The following ACOT11 variants were observed in gnomAD, a reference collection of about 807,000 sequenced individuals.
ACOT11 encodes acyl-CoA thioesterase 11.
ACOT11 carries 69 observed loss-of-function variants against 77.5 expected under a neutral mutation model. The ratio of observed to expected loss-of-function variants is 0.89; its 90% confidence interval spans 0.73 to 1.09. The LOEUF is 1.09. ACOT11 is among the 50% of genes least tolerant of loss of function. ACOT11 has a pLI of 0.00. For synonymous variants in ACOT11, 279 were observed against 313.0 expected, an observed-to-expected ratio of 0.89 and a Z score of 1.15; for missense variants, 766 against 813.7, an observed-to-expected ratio of 0.94 and a Z score of 0.71.
intron 6 of ACOT11, 45 bp from the exon 7 acceptor site, chr1:54,597,214 T>C: frequency 1.2e-6 from 2 of 1,603,202 alleles, no homozygotes; most frequent in East Asian, 2.2e-5. Context: ...CCCTTGGGAA[T>C]GTTCTCACCT....
intron 1 of ACOT11, among the ~76,000 whole-genome samples, chr1:54,552,844 T>G (rs1569630117): frequency 7.9e-6 from 1 of 127,114 alleles, no homozygotes; most frequent in Non-Finnish European, 1.7e-5. Flanking sequence ...TTTTTTTTTT[T>G]GAGACGGAGT....
Position 54,604,603 on chromosome 1 carries a change from G to A in ACOT11, c.1236+174G>A, listed in dbSNP as rs543001268. 1.7e-4 allele frequency among the ~76,000 whole-genome samples: 26 copies of A among 152,234 alleles called. No individual in the cohort carries two copies. In the South Asian group the frequency reaches 2.9e-3, roughly 17 times the overall value. On this transcript the variant is annotated intron_variant, in intron 12 of 15. Transcript: ENST00000343744. Reference sequence around the variant, plus strand: ...AACGTACCCACCCCTGCAGGGCCTGGAGTCGAGAACCCCTAGATTCTTCTC... The same window carrying A: ...AACGTACCCACCCCTGCAGGGCCTGAAGTCGAGAACCCCTAGATTCTTCTC...
intron 1 of ACOT11, among the ~76,000 whole-genome samples, chr1:54,583,828 C>T (rs1254808169): frequency 6.6e-6 from 1 of 152,180 alleles, no homozygotes. Context: ...CCTGTCCCTC[C>T]TCATTTTTCT....
At chr1:54,573,381 T>A in intron 1 of ACOT11, 2 of 278,308 alleles carry the variant, frequency 7.2e-6, no homozygotes, top group Non-Finnish European at 1.1e-5. Flanking sequence ...AAAATGGGAA[T>A]AATAACAACA....
intron 3 of ACOT11, among the ~76,000 whole-genome samples, chr1:54,589,804 T>G (rs1209229634): frequency 6.6e-6 from 1 of 152,126 alleles, no homozygotes; most frequent in Non-Finnish European, 1.5e-5. Context: ...ATTTTGTTAT[T>G]CAAGTCAGGA....
At chr1:54,553,713 C>A (rs1653153148) in intron 1 of ACOT11, among the ~76,000 whole-genome samples, 1 of 152,034 alleles carries the variant, frequency 6.6e-6, no homozygotes, top group Non-Finnish European at 1.5e-5. Context: ...TTTATTCCTC[C>A]TAAGTGTAAT....
chr1:54,623,561 G>C, intron 15 of ACOT11: 1 of 626,602 alleles, frequency 1.6e-6, no homozygotes. Context: ...GATAACCCCT[G>C]AAGCCCCTCC....
intron 2 of ACOT11, among the ~76,000 whole-genome samples, 156 bp from the exon 3 acceptor site, chr1:54,585,679 A>G (rs1016129753): frequency 6.6e-6 from 1 of 152,142 alleles, no homozygotes; most frequent in African/African-American, 2.4e-5. Flanking sequence ...GGTGGTGCCC[A>G]CGGTGAGGGG....
chr1:54,568,358 C>CTTT (rs71045196), intron 1 of ACOT11, among the ~76,000 whole-genome samples: 46 of 80,560 alleles, frequency 5.7e-4, no homozygotes, highest in East Asian at 1.6e-3. Context: ...TTCCCAGCAC[C>CTTT]TTTTTTTTTT....
intron 8 of ACOT11, 112 bp from the exon 9 acceptor site, chr1:54,601,139 ACGTGTGTGTGTGTGCATG>A: frequency 5.5e-6 from 5 of 913,772 alleles, no homozygotes; most frequent in African/African-American, 2.1e-5. Context: ...GTGTGTGCAT[ACGTGTGTGTGTGTGCATG>A]CATGTGTGTG....
chr1:54,558,672 T>C (rs574870331), intron 1 of ACOT11, among the ~76,000 whole-genome samples: 1 of 152,252 alleles, frequency 6.6e-6, no homozygotes, highest in South Asian at 2.1e-4. Flanking sequence ...TCTGAGCAGC[T>C]GAATAGGGGC....
At chr1:54,606,125 G>A (rs961301162) in intron 13 of ACOT11, among the ~76,000 whole-genome samples, 6 of 152,184 alleles carry the variant, frequency 3.9e-5, no homozygotes, top group African/African-American at 1.4e-4. Context: ...TTTGCAAAAA[G>A]GGCCATGTTG....
At chr1:54,587,893 T>A (rs1654562868) in intron 3 of ACOT11, among the ~76,000 whole-genome samples, 1 of 151,990 alleles carries the variant, frequency 6.6e-6, no homozygotes, top group African/African-American at 2.4e-5. Flanking sequence ...TAGAATAGTT[T>A]TAAATTTATA....
At chr1:54,561,668 A>G (rs1653492402) in intron 1 of ACOT11, among the ~76,000 whole-genome samples, 1 of 135,388 alleles carries the variant, frequency 7.4e-6, no homozygotes, top group Non-Finnish European at 1.6e-5. Context: ...CTCACTTCCC[A>G]GTAGGGGCGG....
chr1:54,558,819 G>A (rs1362481592), intron 1 of ACOT11, among the ~76,000 whole-genome samples: 1 of 152,156 alleles, frequency 6.6e-6, no homozygotes. Context: ...TTGGGCTTTC[G>A]AGCGCTGTGG....
chr1:54,569,098 G>A (rs1012423911), intron 1 of ACOT11, among the ~76,000 whole-genome samples: 2 of 149,676 alleles, frequency 1.3e-5, no homozygotes, highest in African/African-American at 4.9e-5. Flanking sequence ...GCAATAGACA[G>A]AGCAAGACTC....
intron 15 of ACOT11, among the ~76,000 whole-genome samples, chr1:54,617,825 G>GTGAT (rs1035448157): frequency 1.4e-5 from 2 of 144,476 alleles, no homozygotes; most frequent in African/African-American, 5.1e-5. Flanking sequence ...CTGGGTTCAA[G>GTGAT]TGATTCTCCT....
intron 11 of ACOT11, 94 bp downstream of exon 11, chr1:54,604,031 G>T: frequency 8.4e-7 from 1 of 1,193,296 alleles, no homozygotes; most frequent in South Asian, 1.2e-5. Flanking sequence ...AGGCCGGGGA[G>T]AGCAGGATAT....
At chr1:54,563,126 G>A (rs1421320384) in intron 1 of ACOT11, among the ~76,000 whole-genome samples, 2 of 152,164 alleles carry the variant, frequency 1.3e-5, no homozygotes, top group Non-Finnish European at 2.9e-5. Flanking sequence ...GGCGGCGCTC[G>A]CTGGCGCGGC....
Sources: gnomAD v4.1 joint callset for allele counts (sites outside exome capture counted in the v4.1 genomes callset) on GRCh38, gnomAD v4.1.1 for gene constraint, MANE v1.5 for transcripts, NCBI Gene and HGNC (gene_info 2026-07-23, HGNC 2026-07-21) for gene names.